The following SMIM3 variants were observed in gnomAD, a reference collection of about 807,000 sequenced individuals.
SMIM3 encodes NGF-induced differentiation clone 67 protein.
Under a neutral mutation model 2.1 loss-of-function variants are expected in SMIM3, and 4 were observed. That is an observed-to-expected ratio of 1.89 (90% CI 0.93 to 4.31). The LOEUF (loss-of-function observed/expected upper bound fraction) is 4.31. Ranked by LOEUF, SMIM3 falls within the 30% of genes most tolerant of loss-of-function variation. The pLI is 0.01. For synonymous variants in SMIM3, 29 were observed against 30.8 expected (o/e 0.94, Z 0.19); for missense variants, 79 against 77.7 (o/e 1.02, Z -0.06).
At chr5:150,783,075 C>T (rs896515724) in intron 1 of SMIM3, among the ~76,000 whole-genome samples, 11 of 152,202 alleles carry the variant, frequency 7.2e-5, no homozygotes, top group African/African-American at 2.2e-4. Flanking sequence ...CAGAGTGGGT[C>T]GGGAAAAACT....
rs887787503 is a variant in SMIM3 at position 150,783,076 on chromosome 5, G to A, written c.-12+4104G>A. ...GAGTGATAGTTTAACAGAGTGGGTC[G>A]GGAAAAACTTTACTAAAACGTAACA... On this transcript the variant is annotated intron_variant, in intron 1 of 1. Coordinates refer to ENST00000526627, the MANE Select transcript of SMIM3 (RefSeq NM_032947.5). Among the ~76,000 whole-genome samples the A allele has an allele frequency of 3.3e-5, 5 of 152,188 alleles. No homozygotes were observed. In the East Asian group the frequency reaches 7.7e-4, roughly 23 times the overall value.
chr5:150,794,589 T>G (rs560936073), intron 1 of SMIM3, among the ~76,000 whole-genome samples: 1 of 152,312 alleles, frequency 6.6e-6, no homozygotes, highest in East Asian at 1.9e-4. Flanking sequence ...ACATCGTATG[T>G]TCTCACTGAT....
chr5:150,780,515 C>A (rs1360181079), intron 1 of SMIM3, among the ~76,000 whole-genome samples: 1 of 152,334 alleles, frequency 6.6e-6, no homozygotes, highest in East Asian at 1.9e-4. Context: ...CAAGTGACCT[C>A]TCCGAACCTC....
chr5:150,785,420 GT>G (rs1753280604), intron 1 of SMIM3, among the ~76,000 whole-genome samples: 1 of 151,902 alleles, frequency 6.6e-6, no homozygotes, highest in Non-Finnish European at 1.5e-5. Flanking sequence ...ATTCTTGGCA[GT>G]TATTTCTGTT....
intron 1 of SMIM3, among the ~76,000 whole-genome samples, chr5:150,788,616 T>C (rs568178506): frequency 2.2e-3 from 312 of 138,932 alleles, no homozygotes; most frequent in Non-Finnish European, 2.6e-3. Context: ...CCTGGGCAAC[T>C]GAGCGAGACT....
chr5:150,795,094 G>A (rs980528775), intron 1 of SMIM3, among the ~76,000 whole-genome samples: 4 of 152,174 alleles, frequency 2.6e-5, no homozygotes, highest in African/African-American at 7.2e-5. Flanking sequence ...TCAAATTAAT[G>A]TCATCTTGCC....
In SMIM3 at chr5:150,778,813, G is replaced by T. The variant is rs751148907; in HGVS notation, c.-171G>T. The T allele has an allele frequency of 4.2e-6, 2 of 472,450 alleles. No individual in the cohort carries two copies. The highest frequency in any genetic ancestry group is 3.1e-5 in the South Asian group (2 of 64,628). 29.3% of individuals were successfully genotyped at this position (472,450 alleles called of 1,614,324 possible). The stretch of plus-strand genomic sequence containing the variant: ...CTCCTGCGCTCTCCCGCCTCCCGGG[G>T]CTCGGAGGAGCCGGGGCACGTTCCA... On this transcript the variant is annotated 5_prime_UTR_variant, in exon 1 of 2. Coordinates refer to ENST00000526627, the MANE Select transcript of SMIM3 (RefSeq NM_032947.5).
chr5:150,780,918 C>T (rs1753226533), intron 1 of SMIM3, among the ~76,000 whole-genome samples: 1 of 152,152 alleles, frequency 6.6e-6, no homozygotes, highest in Non-Finnish European at 1.5e-5. Flanking sequence ...GCCTTGTCCT[C>T]CCCCACCCTG....
intron 1 of SMIM3, among the ~76,000 whole-genome samples, chr5:150,781,539 T>A (rs913526635): frequency 6.6e-6 from 1 of 152,202 alleles, no homozygotes; most frequent in African/African-American, 2.4e-5. Flanking sequence ...TTTTATTGAT[T>A]TGCACTCTGA....
rs956980303 is a variant in SMIM3 at position 150,796,005 on chromosome 5, A to G, written c.*382A>G. On this transcript the variant is annotated 3_prime_UTR_variant, in exon 2 of 2. Transcript: ENST00000526627. ...TGGCCTTAAAGGTGGTGAGGGAGAT[A>G]CTGGGGGCAGAGCAGACTTTGCCAG... 4.8e-6 allele frequency: 1 copy of G among 208,650 alleles called. No individual in the cohort carries two copies. The highest frequency in any genetic ancestry group is 2.3e-5 in the African/African-American group (1 of 43,356). The allele number at this position is 208,650 out of a possible 1,614,324, so 12.9% of individuals were successfully genotyped here.
At chr5:150,792,623 C>T (rs1204622347) in intron 1 of SMIM3, among the ~76,000 whole-genome samples, 1 of 152,176 alleles carries the variant, frequency 6.6e-6, no homozygotes, top group Non-Finnish European at 1.5e-5. Flanking sequence ...TAGCCTGGAC[C>T]TCCTGGGCTC....
chr5:150,779,246 C>G (rs1221637776), intron 1 of SMIM3, among the ~76,000 whole-genome samples: 1 of 152,150 alleles, frequency 6.6e-6, no homozygotes. Context: ...GAACCCCAGC[C>G]CCACTCGGAG....
At position 150,795,571 on chromosome 5, in the gene SMIM3, C is replaced by T. The variant is rs780010907; in HGVS notation, c.131C>T (p.Ala44Val). Residue 44 changes from alanine (A) to valine (V), a missense_variant, in exon 2 of 2, where the codon GCA becomes GTA. By Grantham distance (64) the Ala-to-Val change is moderately conservative (BLOSUM62 0). Coordinates refer to ENST00000526627, the MANE Select transcript of SMIM3 (RefSeq NM_032947.5). ...MTSLLLCPAT[A>V]VIIYRMRTHP... ...TCGTTGTTGCTGTGCCCAGCCACTG[C>T]AGTAATCATCTATCGCATGCGGACT... The T allele has an allele frequency of 1.3e-6, 2 of 1,599,140 alleles. No homozygotes were observed. The highest frequency in any genetic ancestry group is 4.5e-5 in the East Asian group (2 of 44,644).
intron 1 of SMIM3, among the ~76,000 whole-genome samples, chr5:150,793,282 G>T (rs58362022): frequency 6.6e-6 from 1 of 151,978 alleles, no homozygotes; most frequent in Non-Finnish European, 1.5e-5. Flanking sequence ...ATCCCCATCA[G>T]AATACCACCA....
chr5:150,794,183 G>T (rs756226604), intron 1 of SMIM3, among the ~76,000 whole-genome samples: 3 of 152,180 alleles, frequency 2.0e-5, no homozygotes, highest in African/African-American at 7.2e-5. Context: ...GTAAATGCTC[G>T]TGTGGATGTG....
At chr5:150,779,829 A>AGGGGGGGGGGGCCCC in intron 1 of SMIM3, among the ~76,000 whole-genome samples, 1 of 111,118 alleles carries the variant, frequency 9.0e-6, no homozygotes, top group Admixed American at 9.5e-5. Context: ...GAAAGGTGTA[A>AGGGGGGGGGGGCCCC]CCCCCCCCGC....
chr5:150,792,947 A>T (rs1753363115), intron 1 of SMIM3, among the ~76,000 whole-genome samples: 1 of 152,208 alleles, frequency 6.6e-6, no homozygotes, highest in Non-Finnish European at 1.5e-5. Flanking sequence ...CAAAGTTTGA[A>T]AAGTTACACA....
chr5:150,791,132 A>G (rs1474893792), intron 1 of SMIM3, among the ~76,000 whole-genome samples: 1 of 152,184 alleles, frequency 6.6e-6, no homozygotes, highest in Non-Finnish European at 1.5e-5. Flanking sequence ...AACCACTATT[A>G]ACACTTTCTT....
At position 150,795,541 on chromosome 5, in the gene SMIM3, T is replaced by G. The variant is rs763263296; in HGVS notation, c.101T>G (p.Met34Arg). 3 of 1,610,866 alleles carry G rather than the reference T, an allele frequency of 1.9e-6. No homozygotes were observed. The Admixed American group carries it at 5.0e-5, about 27-fold the overall frequency. The change falls in exon 2 of 2, where the codon ATG becomes AGG. Residue 34 changes from methionine (M) to arginine (R), a missense_variant. By Grantham distance (91) the Met-to-Arg change is moderately conservative. Transcript: ENST00000526627. Reference protein sequence around the residue: ...VLIILATIVIMTSLLLCPATA... With the variant: ...VLIILATIVIRTSLLLCPATA... ...ATCATCCTGGCCACCATTGTCATCA[T>G]GACCTCGTTGTTGCTGTGCCCAGCC...
Sources: allele counts gnomAD v4.1 joint callset (sites outside exome capture counted in the v4.1 genomes callset), GRCh38; gene constraint gnomAD v4.1.1; transcripts MANE v1.5; gene names NCBI Gene and HGNC (gene_info 2026-07-23, HGNC 2026-07-21).